UBAP2L: variants seen among roughly 807,000 people sequenced by gnomAD.
The protein encoded by UBAP2L is ubiquitin associated protein 2 like.
A neutral mutation model predicts 130.6 loss-of-function variants in UBAP2L; 12 were observed. The ratio of observed to expected loss-of-function variants is 0.09; its 90% CI spans 0.06 to 0.15. The LOEUF is 0.15. UBAP2L is among the 10% of genes least tolerant of loss of function. The pLI is 1.00. For missense variants in UBAP2L, 965 were observed against 1,332.5 expected, an observed-to-expected ratio of 0.72 and a Z score of 4.29; for synonymous variants, 503 against 524.7, an observed-to-expected ratio of 0.96 and a Z score of 0.57.
chr1:154,237,164 T>C, intron 8 of UBAP2L, 28 bp downstream of exon 8: 1 of 1,577,888 alleles, frequency 6.3e-7, no homozygotes. Context: ...ATTCATTTCT[T>C]GTCTCTGGGA....
intron 4 of UBAP2L, among the ~76,000 whole-genome samples, chr1:154,233,922 A>T (rs976744575): frequency 6.8e-5 from 10 of 146,654 alleles, no homozygotes; most frequent in Admixed American, 2.0e-4. Flanking sequence ...ATAGGGACCA[A>T]TAACTTGGTC....
Position 154,249,433 on chromosome 1 carries a change from G to T in UBAP2L, c.1209G>T (p.Gln403His). The T allele has an allele frequency of 6.2e-7, 1 of 1,614,130 alleles. No individual in the cohort carries two copies. Among genetic ancestry groups the T allele is most frequent in the South Asian group, 1.1e-5 (1 of 91,072 alleles). ...GSTTQSPSLV[Q>H]YDLKNPSDSA... ...CGACACAATCCCCATCACTGGTGCAGTATGGTGAGAAGATGGAAAGTGACT... is the reference window on the plus strand; with the variant it reads ...CGACACAATCCCCATCACTGGTGCATTATGGTGAGAAGATGGAAAGTGACT... The change falls in exon 12 of 27, where the codon CAG becomes CAT. Residue 403 changes from glutamine (Q) to histidine (H), a missense_variant. Physicochemically the swap from Gln to His is conservative, Grantham distance 24. This residue lies in a region of UBAP2L where 19 missense variants were observed against 59.1 expected (regional missense o/e 0.32). Coordinates refer to ENST00000428931, the MANE Select transcript of UBAP2L (RefSeq NM_014847.4).
At chr1:154,269,627 A>G (rs1487669527) in intron 26 of UBAP2L, 1 of 348,286 alleles carries the variant, frequency 2.9e-6, no homozygotes, top group Non-Finnish European at 5.6e-6. Context: ...TGTGGAAAAC[A>G]TTCGGTTACC....
At chr1:154,257,324 A>G (rs1216762153) in intron 19 of UBAP2L, 22 bp from the exon 20 acceptor site, 1 of 1,614,088 alleles carries the variant, frequency 6.2e-7, no homozygotes, top group Non-Finnish European at 8.5e-7. Flanking sequence ...GTGATGGGAT[A>G]AAAATGTAAT....
chr1:154,236,758 C>G (rs890166224), intron 7 of UBAP2L, 147 bp downstream of exon 7: 1 of 788,430 alleles, frequency 1.3e-6, no homozygotes, highest in African/African-American at 1.8e-5. Context: ...ACCTTTACCA[C>G]CTGGATCATT....
intron 10 of UBAP2L, 85 bp from the exon 11 acceptor site, chr1:154,246,119 C>T: frequency 1.4e-6 from 2 of 1,452,482 alleles, no homozygotes; most frequent in South Asian, 2.8e-5. Context: ...CAAGTGGCTT[C>T]ATTTTGATCT....
intron 14 of UBAP2L, among the ~76,000 whole-genome samples, chr1:154,253,310 T>C (rs569258897): frequency 6.6e-6 from 1 of 152,194 alleles, no homozygotes; most frequent in African/African-American, 2.4e-5. Flanking sequence ...GTCCACTTTT[T>C]CTTATAACAG....
rs1203105690 is a variant in UBAP2L, at chr1:154,255,748, C to A, written c.2150C>A (p.Thr717Asn). The A allele has an allele frequency of 1.2e-6, 2 of 1,614,026 alleles. No individual in the cohort carries two copies. The highest frequency in any genetic ancestry group is 1.7e-6 in the Non-Finnish European group (2 of 1,180,000). ...TCTTCTGGGCGCACTTCGACATCCA[C>A]TCTTTTGGTAAGTGTGATGCTGAGA... is the stretch of plus-strand genomic sequence containing the variant. ...STSSGRTSTS[T>N]LLHTSVESEA... The change falls in exon 18 of 27, where the codon ACT (threonine) becomes AAT (asparagine). Residue 717 changes from threonine (T) to asparagine (N), a missense_variant. By Grantham distance (65) the Thr-to-Asn change is moderately conservative. This residue lies in a region of UBAP2L where 393 missense variants were observed against 408.1 expected (regional missense o/e 0.96). Transcript: ENST00000428931.
intron 23 of UBAP2L, 134 bp from the exon 24 acceptor site, chr1:154,261,456 ATT>A: frequency 2.3e-6 from 2 of 852,910 alleles, no homozygotes; most frequent in Non-Finnish European, 3.9e-6. Flanking sequence ...TAAGGAGCTA[ATT>A]TCACTAAGCA....
At position 154,255,343 on chromosome 1, in the gene UBAP2L, A is replaced by G. The variant is rs764001255; in HGVS notation, c.2084+17A>G. ...ACACAGCAGGTGATTTGGGGTGAGG[A>G]TGGAGGTTGGGGTTGGTGAATAGCA... On this transcript the variant is annotated intron_variant, in intron 17 of 26. Transcript: ENST00000428931. 41 of 1,612,440 alleles carry G rather than the reference A, an allele frequency of 2.5e-5. 2 individuals carry two copies. The South Asian group carries it at 4.4e-4, about 17-fold the overall frequency.
chr1:154,248,583 G>C (rs1052331423), intron 11 of UBAP2L, among the ~76,000 whole-genome samples: 3 of 152,144 alleles, frequency 2.0e-5, no homozygotes, highest in Non-Finnish European at 4.4e-5. Context: ...TTGGGAGGCC[G>C]AGGCGGGTGG....
intron 5 of UBAP2L, 106 bp downstream of exon 5, chr1:154,234,865 T>A: frequency 6.8e-7 from 1 of 1,480,550 alleles, no homozygotes; most frequent in Admixed American, 2.1e-5. Context: ...TATATTATCC[T>A]TTTGCTTTTC....
At position 154,255,301 on chromosome 1, in the gene UBAP2L, A is replaced by G. The variant is rs143240770; in HGVS notation, c.2059A>G (p.Asn687Asp). The G allele has an allele frequency of 4.1e-5, 66 of 1,614,116 alleles. No individual in the cohort carries two copies. Among genetic ancestry groups the G allele is most frequent in the Non-Finnish European group, 4.9e-5 (58 of 1,180,004 alleles). The stretch of plus-strand genomic sequence containing the variant: ...CTTGAGCCACAGTGAGGAGATTCCA[A>G]ATACTACCACCACACAACACAGCAG... ...GGLSHSEEIP[N>D]TTTTQHSSTL... The change falls in exon 17 of 27, where the codon AAT (asparagine) becomes GAT (aspartate). Residue 687 changes from asparagine to aspartate, a missense_variant. Asn to Asp is a conservative substitution (Grantham distance 23). Transcript: ENST00000428931.
At chr1:154,259,865 C>G in intron 21 of UBAP2L, 83 bp from the exon 22 acceptor site, 1 of 1,398,270 alleles carries the variant, frequency 7.2e-7, no homozygotes, top group East Asian at 2.3e-5. Flanking sequence ...TCACATTCTT[C>G]TGTTTTTTCC....
At chr1:154,238,078 G>A (rs990259109) in intron 8 of UBAP2L, among the ~76,000 whole-genome samples, 1 of 152,140 alleles carries the variant, frequency 6.6e-6, no homozygotes, top group Non-Finnish European at 1.5e-5. Context: ...ACCTTTCACA[G>A]ATACGTGATC....
rs1665959312 is a variant in UBAP2L, at chr1:154,221,315, G to C, written c.-41+340G>C. 3 of 153,256 alleles carry C rather than the reference G, an allele frequency of 2.0e-5. No individual in the cohort carries two copies. In the Admixed American group the frequency reaches 2.0e-4, roughly 10 times the overall value. The allele number at this position is 153,256 out of a possible 1,614,324, so 9.5% of individuals were successfully genotyped here. On this transcript the variant is annotated intron_variant, in intron 1 of 26. Transcript: ENST00000428931. ...CGGGGCGGGGCTTGGAGCAGCCGTA[G>C]GAAGGGGGGGCCATGCGGCTAGAGC...
Position 154,249,303 on chromosome 1 carries a change from C to G in UBAP2L, c.1079C>G (p.Ser360Cys), listed in dbSNP as rs1676716831. ...GCTAAAGGCGGCAGTACTACAGGCT[C>G]CCAGTTCTTGGAGCAATTCAAGACT... ...GEAKGGSTTGSQFLEQFKTAQ... is the reference protein window; with the variant it reads ...GEAKGGSTTGCQFLEQFKTAQ... Residue 360 changes from serine to cysteine, a missense_variant, in exon 12 of 27, where the codon TCC becomes TGC. By Grantham distance (112) the Ser-to-Cys change is moderately radical. This residue lies in a region of UBAP2L where 99 missense variants were observed against 106.4 expected (regional missense o/e 0.93). Transcript: ENST00000428931. 1.2e-6 allele frequency: 2 copies of G among 1,614,052 alleles called. No individual in the cohort carries two copies. The highest frequency in any genetic ancestry group is 1.7e-6 in the Non-Finnish European group (2 of 1,180,022).
Position 154,259,703 on chromosome 1 carries a change from G to A in UBAP2L, c.2497-245G>A, listed in dbSNP as rs987101947. Reference sequence around the variant, plus strand: ...TAGAGGGTTGAAAATATTGGTCCTCGTGGACTTTGATGTATTCTCAAGTGG... The same window carrying A: ...TAGAGGGTTGAAAATATTGGTCCTCATGGACTTTGATGTATTCTCAAGTGG... On this transcript the variant is annotated intron_variant, in intron 21 of 26. Coordinates refer to ENST00000428931, the MANE Select transcript of UBAP2L (RefSeq NM_014847.4). 2.2e-5 allele frequency: 14 copies of A among 624,770 alleles called. No homozygotes were observed. In the East Asian group the frequency reaches 2.3e-4, roughly 10 times the overall value. The allele number at this position is 624,770 out of a possible 1,614,324, so 38.7% of individuals were successfully genotyped here.
upstream of UBAP2L, chr1:154,220,949 C>G (rs188866046): frequency 3.3e-5 from 6 of 180,512 alleles, no homozygotes. Flanking sequence ...CGGCGCGGCC[C>G]GGGGTGTCAG....
Sources: allele counts gnomAD v4.1 joint callset (sites outside exome capture counted in the v4.1 genomes callset), GRCh38; gene constraint gnomAD v4.1.1; regional missense constraint gnomAD v4.1.1; transcripts MANE v1.5; gene names NCBI Gene and HGNC (gene_info 2026-07-23, HGNC 2026-07-21).